Variants in LRP6 observed in about 807,000 individuals in gnomAD.
LRP6 encodes LDL receptor related protein 6.
Under a neutral mutation model 184.1 loss-of-function variants are expected in LRP6, and 43 were observed. The observed-to-expected ratio is 0.23, with a 90% CI of 0.18 to 0.30. The LOEUF (loss-of-function observed/expected upper bound fraction) is 0.30. Ranked by LOEUF, LRP6 falls within the 10% of genes least tolerant of loss-of-function variation. LRP6 has a pLI of 1.00. For missense variants in LRP6, 1,571 were observed against 2,005.3 expected, an observed-to-expected ratio of 0.78 and a Z score of 4.14; for synonymous variants, 719 against 684.9, an observed-to-expected ratio of 1.05 and a Z score of -0.78.
chr12:12,234,611 T>C (rs1864885254), intron 2 of LRP6, among the ~76,000 whole-genome samples: 1 of 151,944 alleles, frequency 6.6e-6, no homozygotes, highest in South Asian at 2.1e-4. Context: ...GGTGGGTGAA[T>C]CACGAGGTCA....
intron 4 of LRP6, among the ~76,000 whole-genome samples, chr12:12,185,135 T>C (rs1863437842): frequency 6.6e-6 from 1 of 151,882 alleles, no homozygotes; most frequent in African/African-American, 2.4e-5. Flanking sequence ...CCTACCTCTA[T>C]AAAAAATACT....
chr12:12,211,728 A>C (rs1428657402), intron 2 of LRP6, among the ~76,000 whole-genome samples: 3 of 152,228 alleles, frequency 2.0e-5, no homozygotes, highest in African/African-American at 4.8e-5. Context: ...CACCCAGTCT[A>C]GTCGATTACT....
chr12:12,170,412 C>T (rs953753723), intron 7 of LRP6, among the ~76,000 whole-genome samples: 1 of 151,772 alleles, frequency 6.6e-6, no homozygotes, highest in African/African-American at 2.4e-5. Context: ...TTCTCTCAAC[C>T]TGTAATCAAT....
chr12:12,143,880 TA>T (rs2136900628), intron 15 of LRP6, among the ~76,000 whole-genome samples: 1 of 152,388 alleles, frequency 6.6e-6, no homozygotes, highest in Non-Finnish European at 1.5e-5. Flanking sequence ...TTAACATGGA[TA>T]TATACTATGT....
intron 3 of LRP6, among the ~76,000 whole-genome samples, chr12:12,198,157 T>C (rs1362083059): frequency 6.6e-6 from 1 of 152,216 alleles, no homozygotes; most frequent in Non-Finnish European, 1.5e-5. Flanking sequence ...CTTCAGGCGA[T>C]CCACCCACCT....
intron 2 of LRP6, among the ~76,000 whole-genome samples, chr12:12,235,702 C>T (rs1199931795): frequency 6.6e-6 from 1 of 151,560 alleles, no homozygotes; most frequent in Non-Finnish European, 1.5e-5. Flanking sequence ...TGCACTCCAG[C>T]CTGGGCAACA....
At chr12:12,238,085 T>C (rs1864969247) in intron 2 of LRP6, among the ~76,000 whole-genome samples, 1 of 152,104 alleles carries the variant, frequency 6.6e-6, no homozygotes, top group African/African-American at 2.4e-5. Flanking sequence ...GTAGCTGAAA[T>C]TTCTTCATAA....
rs1862660533 is a variant in LRP6, at chr12:12,158,711, A to C, written c.2791+118T>G. 4 of 996,820 alleles carry C rather than the reference A, an allele frequency of 4.0e-6. 1 individual carries two copies. The highest frequency in any genetic ancestry group is 6.1e-6 in the Non-Finnish European group (4 of 650,860). 61.7% of individuals were successfully genotyped at this position (996,820 alleles called of 1,614,324 possible). A position where few individuals can be genotyped will look rare whatever the true frequency, so the allele number is the denominator to read the frequency against. ...TTGCATTCCCCTACCCTTTAACCAA[A>C]CAAATAACCCCCTCTGGATTTCCAC... is the stretch of plus-strand genomic sequence containing the variant. On this transcript the variant is annotated intron_variant, in intron 12 of 22. Transcript: ENST00000261349.
At chr12:12,219,514 GCTTTTGTAT>G (rs984515592) in intron 2 of LRP6, among the ~76,000 whole-genome samples, 22 of 152,094 alleles carry the variant, frequency 1.4e-4, no homozygotes, top group East Asian at 1.4e-3. Context: ...ACTGTCCTCC[GCTTTTGTAT>G]CTACCATTGC....
intron 7 of LRP6, among the ~76,000 whole-genome samples, chr12:12,166,063 ATAAC>A (rs1382747107): frequency 3.3e-5 from 5 of 152,224 alleles, no homozygotes; most frequent in African/African-American, 1.2e-4. Context: ...TTGACATAAT[ATAAC>A]TAATATTTGA....
intron 9 of LRP6, among the ~76,000 whole-genome samples, chr12:12,162,621 C>G (rs1337227804): frequency 6.6e-6 from 1 of 152,144 alleles, no homozygotes; most frequent in Non-Finnish European, 1.5e-5. Context: ...AGTTTTACTG[C>G]CAATTCAGGG....
intron 4 of LRP6, 176 bp downstream of exon 4, chr12:12,186,747 C>T: frequency 1.5e-6 from 1 of 659,438 alleles, no homozygotes; most frequent in South Asian, 1.7e-5. Flanking sequence ...CAACCTCGGC[C>T]TCCCGAGTTC....
At chr12:12,228,208 C>A (rs1037391323) in intron 2 of LRP6, among the ~76,000 whole-genome samples, 15 of 152,044 alleles carry the variant, frequency 9.9e-5, no homozygotes, top group African/African-American at 3.6e-4. Context: ...CCCGTTTCTA[C>A]TAAAAATACA....
At chr12:12,225,891 G>C (rs1331610219) in intron 2 of LRP6, among the ~76,000 whole-genome samples, 2 of 151,282 alleles carry the variant, frequency 1.3e-5, no homozygotes, top group East Asian at 1.9e-4. Flanking sequence ...AAAAAAGAGA[G>C]AGACCTGAGA....
intron 2 of LRP6, chr12:12,226,611 C>T (rs953008466): frequency 6.6e-6 from 1 of 151,950 alleles, no homozygotes; most frequent in Non-Finnish European, 1.5e-5. Flanking sequence ...ATAGAAACTT[C>T]CAAAGCTGAA....
chr12:12,131,096 C>CGTTTTTT (rs1949746766), intron 18 of LRP6, among the ~76,000 whole-genome samples: 2 of 105,350 alleles, frequency 1.9e-5, no homozygotes, highest in Non-Finnish European at 3.9e-5. Context: ...AATTTCCTAA[C>CGTTTTTT]ATTTTTTTTT....
At chr12:12,181,637 A>G (rs147799921) in intron 5 of LRP6, among the ~76,000 whole-genome samples, 198 bp from the exon 6 acceptor site, 127 of 152,360 alleles carry the variant, frequency 8.3e-4, no homozygotes, top group African/African-American at 2.8e-3. Flanking sequence ...AAGCTGTTTA[A>G]TGGCTAACTC....
chr12:12,164,990 C>G, intron 8 of LRP6, 89 bp downstream of exon 8: 1 of 810,348 alleles, frequency 1.2e-6, no homozygotes, highest in Admixed American at 2.0e-5. Context: ...TCAAAATTGC[C>G]TCAAAACATC....
At position 12,125,320 on chromosome 12, in the gene LRP6, G is replaced by A. The variant is rs1489117814; in HGVS notation, c.4425C>T (p.Ser1475=). 2.5e-6 allele frequency: 4 copies of A among 1,613,994 alleles called. No individual in the cohort carries two copies. Among genetic ancestry groups the A allele is most frequent in the Non-Finnish European group, 3.4e-6 (4 of 1,179,998 alleles). ...VTGASSSSSS[S]TKGTYFPAIL... ...CTGCAGGGAAGTAAGTGCCTTTGGT[G>A]CTTGAAGAACTACTTGATGATGCTC... Residue 1475 remains serine, a synonymous_variant, in exon 21 of 23, where the codon AGC becomes AGT. Transcript: ENST00000261349.
Sources: allele counts gnomAD v4.1 joint callset (sites outside exome capture counted in the v4.1 genomes callset), GRCh38; gene constraint gnomAD v4.1.1; transcripts MANE v1.5; gene names NCBI Gene and HGNC (gene_info 2026-07-23, HGNC 2026-07-21).